The following LONRF3 variants were observed in gnomAD, a reference collection of about 807,000 sequenced individuals.
LONRF3 encodes the protein LON peptidase N-terminal domain and ring finger 3.
Under a neutral mutation model 51.7 loss-of-function variants are expected in LONRF3, and 19 were observed. That is an observed-to-expected ratio of 0.37 (90% CI 0.26 to 0.54). LONRF3 has a LOEUF of 0.54. Among genes scored for constraint, LONRF3 ranks in the 20% least tolerant of loss-of-function variants. LONRF3 has a pLI of 0.86. For synonymous variants in LONRF3, 265 were observed against 257.8 expected, an observed-to-expected ratio of 1.03 and a Z score of -0.27; for missense variants, 521 against 623.9, an observed-to-expected ratio of 0.84 and a Z score of 1.76.
chrX:118,979,448 C>T (rs1310972206), intron 2 of LONRF3, among the ~76,000 whole-genome samples: 9 of 111,046 alleles, frequency 8.1e-5, no homozygotes, highest in African/African-American at 3.0e-4. Flanking sequence ...CGTGTGCCAC[C>T]ATGCCCGGCT....
chrX:118,989,108 C>T (rs1423223340), intron 3 of LONRF3, among the ~76,000 whole-genome samples: 2 of 111,053 alleles, frequency 1.8e-5, no homozygotes, highest in Non-Finnish European at 3.8e-5. Flanking sequence ...GGTGCCTATC[C>T]CTGGCATTTC....
chrX:119,011,733 G>C, intron 7 of LONRF3, 82 bp from the exon 8 acceptor site: 1 of 1,018,198 alleles, frequency 9.8e-7, no homozygotes, highest in Non-Finnish European at 1.4e-6. Flanking sequence ...TCCCCCAGGG[G>C]TATCACATGC....
At chrX:119,002,453 A>G (rs1195533933) in intron 5 of LONRF3, among the ~76,000 whole-genome samples, 1 of 112,126 alleles carries the variant, frequency 8.9e-6, no homozygotes. Flanking sequence ...ATATAGGTAA[A>G]GTTTGTTCAC....
At chrX:119,010,591 C>T (rs1056649841) in intron 7 of LONRF3, among the ~76,000 whole-genome samples, 6 of 111,418 alleles carry the variant, frequency 5.4e-5, no homozygotes, top group Non-Finnish European at 1.1e-4. Flanking sequence ...TCTCAAATCT[C>T]ATTTAAGGTC....
Position 119,017,736 on chromosome X carries a change from G to A in LONRF3, c.*46G>A, listed in dbSNP as rs761792690. On this transcript the variant is annotated 3_prime_UTR_variant, in exon 11 of 11. Transcript: ENST00000371628. Reference sequence around the variant, plus strand: ...AGCTCCCACCTTCCCCACTGCCGTCGGGGGGAGTCTTCTTGTAAATATATC... The same window carrying A: ...AGCTCCCACCTTCCCCACTGCCGTCAGGGGGAGTCTTCTTGTAAATATATC... The A allele has an allele frequency of 3.6e-5, 39 of 1,093,844 alleles. No homozygotes were observed. Among genetic ancestry groups the A allele is most frequent in the Middle Eastern group, 5.1e-4 (2 of 3,929 alleles). 90.1% of individuals were successfully genotyped at this position (1,093,844 alleles called of 1,213,427 possible).
chrX:118,975,502 C>G lies in LONRF3; in HGVS notation c.722C>G (p.Ala241Gly). Residue 241 changes from alanine (A) to glycine (G), a missense_variant, in exon 1 of 11, where the codon GCG becomes GGG. By Grantham distance (60) the Ala-to-Gly change is moderately conservative (BLOSUM62 0). Coordinates refer to ENST00000371628, the MANE Select transcript of LONRF3 (RefSeq NM_001031855.3). ...CTCGGCAAGTTGTTTCCAGGCCCAGCGCGAGCGTCGCAACTCCGGCACGAG... is the reference window on the plus strand; with the variant it reads ...CTCGGCAAGTTGTTTCCAGGCCCAGGGCGAGCGTCGCAACTCCGGCACGAG... ...GLLGKLFPGP[A>G]RASQLRHEGN... 8.3e-7 allele frequency: 1 copy of G among 1,204,136 alleles called. No homozygotes were observed. Among genetic ancestry groups the G allele is most frequent in the Non-Finnish European group, 1.1e-6 (1 of 892,567 alleles).
chrX:118,975,718 T>TG, intron 1 of LONRF3, 121 bp downstream of exon 1: 1 of 89,686 alleles, frequency 1.1e-5, no homozygotes, highest in Non-Finnish European at 1.8e-5. Context: ...GGGGGACCCA[T>TG]GGACTGTGGC....
Position 118,978,368 on chromosome X carries a change from A to G in LONRF3, c.841A>G (p.Ser281Gly), listed in dbSNP as rs377244391. Residue 281 changes from serine to glycine, a missense_variant, in exon 2 of 11, where the codon AGC (serine) becomes GGC (glycine). Physicochemically the swap from Ser to Gly is moderately conservative, Grantham distance 56 (BLOSUM62 0). This residue lies in a region of LONRF3 where 376 missense variants were observed against 376.7 expected (regional missense o/e 1.00). Transcript: ENST00000371628. ...AGCTCCAAATGACCACTTGCTTTAT[A>G]GCAATCGGTCTCAGATTTATTTCAC... ...KLAPNDHLLY[S>G]NRSQIYFTLE... 21 of 1,204,592 alleles carry G rather than the reference A, an allele frequency of 1.7e-5. No homozygotes were observed. The African/African-American group carries it at 3.0e-4, about 17-fold the overall frequency.
chrX:119,012,892 G>A, intron 8 of LONRF3, 147 bp from the exon 9 acceptor site: 1 of 1,200,527 alleles, frequency 8.3e-7, no homozygotes, highest in Non-Finnish European at 1.1e-6. Context: ...ACTGCCTGTT[G>A]TGTAATTGAA....
At chrX:118,998,860 A>C (rs1428685298) in intron 5 of LONRF3, among the ~76,000 whole-genome samples, 1 of 111,278 alleles carries the variant, frequency 9.0e-6, no homozygotes, top group Non-Finnish European at 1.9e-5. Context: ...AGGCTTCACC[A>C]TGTTGGTCAG....
At position 118,975,159 on chromosome X, in the gene LONRF3, G is replaced by C. The variant is rs1439981006; in HGVS notation, c.379G>C (p.Asp127His). 4 of 1,172,246 alleles carry C rather than the reference G, an allele frequency of 3.4e-6. No individual in the cohort carries two copies. Among genetic ancestry groups the C allele is most frequent in the Non-Finnish European group, 2.3e-6 (2 of 876,183 alleles). ...QGEALAPAPP[D>H]EGSTASGTVA... The stretch of plus-strand genomic sequence containing the variant: ...CGAGGCGCTGGCGCCGGCGCCCCCG[G>C]ACGAGGGTAGCACTGCAAGCGGCAC... Residue 127 changes from aspartate (D) to histidine (H), a missense_variant, in exon 1 of 11, where the codon GAC becomes CAC. Physicochemically the swap from Asp to His is moderately conservative, Grantham distance 81. Coordinates refer to ENST00000371628, the MANE Select transcript of LONRF3 (RefSeq NM_001031855.3).
intron 3 of LONRF3, among the ~76,000 whole-genome samples, chrX:118,987,419 A>T (rs5957087): frequency 0.39 from 36,510 of 94,568 alleles, 5,587 homozygotes; most frequent in South Asian, 0.51. Context: ...CTGGGACTAT[A>T]GGCACGTGCC....
At chrX:118,978,519 G>GCCCTTCCT in intron 2 of LONRF3, 56 bp downstream of exon 2, 1 of 812,615 alleles carries the variant, frequency 1.2e-6, no homozygotes, top group Non-Finnish European at 1.8e-6. Flanking sequence ...GGTATTGGCA[G>GCCCTTCCT]GAAGGGCTGC....
In LONRF3 at chrX:118,974,825, G is replaced by A. The variant is rs1921849055; in HGVS notation, c.45G>A (p.Glu15=). The A allele has an allele frequency of 8.3e-7, 1 of 1,207,408 alleles. No individual in the cohort carries two copies. The highest frequency in any genetic ancestry group is 1.7e-5 in the African/African-American group (1 of 57,489). Residue 15 remains glutamate, a synonymous_variant, in exon 1 of 11, where the codon GAG becomes GAA. Transcript: ENST00000371628. ...RIEQMLSLPA[E]VSSDNLESAE... is the part of the protein sequence containing the mutation. ...AACAGATGCTGAGCTTGCCCGCTGA[G>A]GTCAGCAGCGACAACTTGGAGTCGG...
chrX:118,986,362 C>T, intron 3 of LONRF3, among the ~76,000 whole-genome samples: 1 of 111,427 alleles, frequency 9.0e-6, no homozygotes, highest in East Asian at 2.8e-4. Context: ...CTCAGGTTCC[C>T]AGCTTTGAAG....
intron 5 of LONRF3, among the ~76,000 whole-genome samples, chrX:119,004,550 TA>T (rs1225058989): frequency 3.6e-5 from 4 of 112,219 alleles, no homozygotes; most frequent in Middle Eastern, 4.7e-3. Context: ...CTGGGAGGCT[TA>T]AAAAAAATTT....
chrX:119,005,060 T>G (rs7053662), intron 5 of LONRF3, among the ~76,000 whole-genome samples: 4,557 of 112,230 alleles, frequency 0.041, 193 homozygotes, highest in African/African-American at 0.14. Context: ...GCATGTTGCT[T>G]CTTCTACTCA....
At chrX:118,999,927 G>A (rs1924152725) in intron 5 of LONRF3, among the ~76,000 whole-genome samples, 1 of 111,913 alleles carries the variant, frequency 8.9e-6, no homozygotes, top group South Asian at 3.7e-4. Context: ...AAGAACTTTG[G>A]ATCTTGAGGT....
intron 1 of LONRF3, among the ~76,000 whole-genome samples, chrX:118,977,682 A>C (rs1423000134): frequency 8.9e-6 from 1 of 111,834 alleles, no homozygotes; most frequent in African/African-American, 3.3e-5. Context: ...GAGCCAGATA[A>C]TCTCTAATAG....
Sources: allele counts gnomAD v4.1 joint callset (sites outside exome capture counted in the v4.1 genomes callset), GRCh38; gene constraint gnomAD v4.1.1; regional missense constraint gnomAD v4.1.1; transcripts MANE v1.5; gene names NCBI Gene and HGNC (gene_info 2026-07-23, HGNC 2026-07-21).